Variants in RFX2 observed in about 807,000 individuals in gnomAD.
RFX2 encodes DNA-binding protein RFX2.
In RFX2, 20 loss-of-function variants were observed where a neutral mutation model predicts 87.8. The observed-to-expected ratio is 0.23, with a 90% CI of 0.16 to 0.33. The LOEUF is 0.33. Among genes scored for constraint, RFX2 ranks in the 10% least tolerant of loss-of-function variants. RFX2 has a pLI of 1.00. For synonymous variants in RFX2, 397 were observed against 431.3 expected, an observed-to-expected ratio of 0.92 and a Z score of 0.98; for missense variants, 767 against 1,012.3, an observed-to-expected ratio of 0.76 and a Z score of 3.29.
At position 6,026,085 on chromosome 19, in the gene RFX2, G is replaced by T; in HGVS notation, c.597+78C>A. On this transcript the variant is annotated intron_variant, in intron 6 of 17. Transcript: ENST00000303657. The surrounding 1 kb of genome is among the most constrained non-coding windows in gnomAD (Gnocchi z 4.5). ...CAGGTGTGAGCCACCGCACCTGGTT[G>T]CCTTCATTTGTCTTAAAAATGTCTA... 2 of 1,237,308 alleles carry T rather than the reference G, an allele frequency of 1.6e-6. No individual in the cohort carries two copies. Among genetic ancestry groups the T allele is most frequent in the Non-Finnish European group, 1.2e-6 (1 of 847,226 alleles). The allele number at this position is 1,237,308 out of a possible 1,614,324, so 76.6% of individuals were successfully genotyped here.
Position 6,001,975 on chromosome 19 carries a change from G to C in RFX2, c.1699C>G (p.Leu567Val), listed in dbSNP as rs2144671305. The change falls in exon 15 of 18, where the codon CTG becomes GTG. Residue 567 changes from leucine (L) to valine (V), a missense_variant. Transcript: ENST00000303657. This position sits in a 1 kb window ranked among gnomAD's most constrained non-coding sequence, Gnocchi z 5.6. ...CQCEESVVQRLEQDFKLTLQQ... is the reference protein window; with the variant it reads ...CQCEESVVQRVEQDFKLTLQQ... ...AGGGTCAGCTTGAAATCCTGCTCCA[G>C]CCGCTGCACCACACTCTCCTCGCAC... The C allele has an allele frequency of 6.2e-7, 1 of 1,611,874 alleles. No homozygotes were observed. Among genetic ancestry groups the C allele is most frequent in the Non-Finnish European group, 8.5e-7 (1 of 1,179,918 alleles).
intron 1 of RFX2, among the ~76,000 whole-genome samples, chr19:6,080,243 TGAGA>T (rs1426940986): frequency 2.0e-5 from 3 of 150,930 alleles, no homozygotes; most frequent in East Asian, 3.9e-4. Flanking sequence ...TGTGTGTATG[TGAGA>T]GAGAGACAGA....
In RFX2 at chr19:6,056,821, C is replaced by T. The variant is rs2087349510; in HGVS notation, c.-8-9317G>A. 1.3e-5 allele frequency among the ~76,000 whole-genome samples: 2 copies of T among 152,170 alleles called. No homozygotes were observed. The highest frequency in any genetic ancestry group is 4.1e-4 in the South Asian group (2 of 4,832). Reference sequence around the variant, plus strand: ...TGGGCAGTCTTACTTTGACTGCCTTCCCCTGTGTCCTCTTAGACTGGGTTA... The same window carrying T: ...TGGGCAGTCTTACTTTGACTGCCTTTCCCTGTGTCCTCTTAGACTGGGTTA... On this transcript the variant is annotated intron_variant, in intron 1 of 17. Transcript: ENST00000303657. This position sits in a 1 kb window ranked among gnomAD's most constrained non-coding sequence, Gnocchi z 4.6.
chr19:6,007,793 C>A lies in RFX2; in HGVS notation c.1144G>T (p.Asp382Tyr). Reference protein sequence around the residue: ...VYRRHCEATVDVVMNLQFHYI... With the variant: ...VYRRHCEATVYVVMNLQFHYI... ...TGGAACTGGAGGTTCATCACCACAT[C>A]TACAGTTGCCTAGGAATGAAGGGAC... The change falls in exon 11 of 18, where the codon GAT (aspartate) becomes TAT (tyrosine). Residue 382 changes from aspartate (D) to tyrosine (Y), a missense_variant. This residue lies in a region of RFX2 where 621 missense variants were observed against 873.0 expected (regional missense o/e 0.71). Transcript: ENST00000303657. The surrounding 1 kb of genome is among the most constrained non-coding windows in gnomAD (Gnocchi z 8.2). The A allele has an allele frequency of 8.4e-6, 13 of 1,550,296 alleles. No individual in the cohort carries two copies. The highest frequency in any genetic ancestry group is 1.1e-5 in the Non-Finnish European group (13 of 1,145,094).
At position 6,088,212 on chromosome 19, in the gene RFX2, T is replaced by G. The variant is rs1034455300; in HGVS notation, c.-9+22181A>C. 3.9e-5 allele frequency among the ~76,000 whole-genome samples: 3 copies of G among 76,280 alleles called. No homozygotes were observed. The East Asian group carries it at 7.5e-4, about 19-fold the overall frequency. 50.0% of individuals were successfully genotyped at this position (76,280 alleles called of 152,430 possible). A position where few individuals can be genotyped will look rare whatever the true frequency, so the allele number is the denominator to read the frequency against. On this transcript the variant is annotated intron_variant, in intron 1 of 17. Transcript: ENST00000303657. The stretch of plus-strand genomic sequence containing the variant: ...CAGAGAAGGGCCAGGGCACTACAGC[T>G]TTTTTTTTTTTTTTTTTTTTTTTTG...
intron 5 of RFX2, among the ~76,000 whole-genome samples, chr19:6,032,779 C>A (rs978739970): frequency 1.3e-5 from 2 of 152,150 alleles, no homozygotes; most frequent in Admixed American, 6.5e-5. Flanking sequence ...TCTTTCTGAA[C>A]CAATTCTGTT....
At chr19:6,085,480 A>G (rs2087844286) in intron 1 of RFX2, among the ~76,000 whole-genome samples, 3 of 152,180 alleles carry the variant, frequency 2.0e-5, no homozygotes, top group African/African-American at 7.2e-5. Flanking sequence ...TTTTTTGCTG[A>G]GTTACAGAAA....
intron 1 of RFX2, among the ~76,000 whole-genome samples, chr19:6,106,326 C>T (rs1439704796): frequency 6.6e-6 from 1 of 152,134 alleles, no homozygotes; most frequent in African/African-American, 2.4e-5. Context: ...AACATGAGAA[C>T]ATGACCAGCA....
At chr19:6,072,980 TA>T (rs1177935758) in intron 1 of RFX2, 12 of 623,276 alleles carry the variant, frequency 1.9e-5, no homozygotes, top group Admixed American at 6.8e-5. Context: ...AAGGACCAGA[TA>T]TTTTTTTTTC....
In RFX2 at chr19:6,027,609, T is replaced by A. The variant is rs202068914; in HGVS notation, c.523-1372A>T. On this transcript the variant is annotated intron_variant, in intron 5 of 17. Coordinates refer to ENST00000303657, the MANE Select transcript of RFX2 (RefSeq NM_000635.4). The surrounding 1 kb of genome is among the most constrained non-coding windows in gnomAD (Gnocchi z 5.0). Reference sequence around the variant, plus strand: ...CATGACCTCTGGAAGTCTGCCCTAATCTCAGGGGGCCTTGTCCAGTGCCCA... The same window carrying A: ...CATGACCTCTGGAAGTCTGCCCTAAACTCAGGGGGCCTTGTCCAGTGCCCA... 3.9e-4 allele frequency among the ~76,000 whole-genome samples: 60 copies of A among 152,302 alleles called. No homozygotes were observed. The East Asian group carries it at 0.011, about 29-fold the overall frequency.
intron 1 of RFX2, among the ~76,000 whole-genome samples, chr19:6,093,047 C>T (rs1390500813): frequency 6.6e-6 from 1 of 152,064 alleles, no homozygotes; most frequent in Non-Finnish European, 1.5e-5. Context: ...AGTGGAAAGT[C>T]ACCTTTATAG....
chr19:6,080,358 G>C (rs1030012175), intron 1 of RFX2, among the ~76,000 whole-genome samples: 16 of 152,126 alleles, frequency 1.1e-4, no homozygotes, highest in African/African-American at 3.9e-4. Flanking sequence ...CAAAATGCTG[G>C]GATTAAAACG....
At chr19:6,030,320 A>G (rs1048452405) in intron 5 of RFX2, among the ~76,000 whole-genome samples, 4 of 152,208 alleles carry the variant, frequency 2.6e-5, no homozygotes, top group African/African-American at 9.6e-5. Context: ...AACAGAAACC[A>G]TGGAGGCCAG....
rs1315834458 is a variant in RFX2 at position 5,997,023 on chromosome 19, G to A, written c.2013+37C>T. ...ACACCGCCCTCTCCCCACAGGCCCG[G>A]CCAAGCCCCGGCCGTCCCACCCAGG... On this transcript the variant is annotated intron_variant, in intron 16 of 17. Transcript: ENST00000303657. This position sits in a 1 kb window ranked among gnomAD's most constrained non-coding sequence, Gnocchi z 4.2. 1 of 1,582,936 alleles carries A rather than the reference G, an allele frequency of 6.3e-7. No individual in the cohort carries two copies. Among genetic ancestry groups the A allele is most frequent in the Non-Finnish European group, 8.6e-7 (1 of 1,167,502 alleles).
At chr19:6,000,728 C>T (rs1481723103) in intron 15 of RFX2, among the ~76,000 whole-genome samples, 1 of 152,220 alleles carries the variant, frequency 6.6e-6, no homozygotes, top group Non-Finnish European at 1.5e-5. Flanking sequence ...AACTGTGAGT[C>T]CATTCAACCT....
In RFX2 at chr19:6,027,580, AGT is replaced by A. The variant is rs1456993260; in HGVS notation, c.523-1345_523-1344del. Among the ~76,000 whole-genome samples the A allele has an allele frequency of 6.6e-6, 1 of 152,208 alleles. No homozygotes were observed. Among genetic ancestry groups the A allele is most frequent in the African/African-American group, 2.4e-5 (1 of 41,446 alleles). On this transcript the variant is annotated intron_variant, in intron 5 of 17. Transcript: ENST00000303657. The surrounding 1 kb of genome is among the most constrained non-coding windows in gnomAD (Gnocchi z 5.0). ...TCACCTATGGGTGCCGGGAGAGCAG[AGT>A]GCATGACCTCTGGAAGTCTGCCCTA...
Position 6,004,101 on chromosome 19 carries a change from A to G in RFX2, c.1500+100T>C. ...ATCGGTTACTCTCATGACGCAGGGA[A>G]GAAGCCAGCGCTCTCTGGGACACAG... On this transcript the variant is annotated intron_variant, in intron 13 of 17. Coordinates refer to ENST00000303657, the MANE Select transcript of RFX2 (RefSeq NM_000635.4). This position sits in a 1 kb window ranked among gnomAD's most constrained non-coding sequence, Gnocchi z 4.8. 4 of 909,116 alleles carry G rather than the reference A, an allele frequency of 4.4e-6. No homozygotes were observed. The highest frequency in any genetic ancestry group is 7.3e-6 in the Non-Finnish European group (4 of 545,700). The allele number at this position is 909,116 out of a possible 1,614,324, so 56.3% of individuals were successfully genotyped here.
At chr19:6,067,847 C>G (rs2087535641) in intron 1 of RFX2, 1 of 152,178 alleles carries the variant, frequency 6.6e-6, no homozygotes, top group Non-Finnish European at 1.5e-5. Flanking sequence ...TGTGCATGAC[C>G]AAGCATACCT....
Position 6,004,775 on chromosome 19 carries a change from A to AATAAGAAGC in RFX2, c.1403-486_1403-478dup, listed in dbSNP as rs1330183140. ...CCTAATTTATTTTAAAGTGGGTTAG[A>AATAAGAAGC]ATAAGAAGCAAATGATCAGACTGTT... On this transcript the variant is annotated intron_variant, in intron 12 of 17. Transcript: ENST00000303657. This position sits in a 1 kb window ranked among gnomAD's most constrained non-coding sequence, Gnocchi z 4.8. Among the ~76,000 whole-genome samples, 4 of 151,936 alleles carry AATAAGAAGC rather than the reference A, an allele frequency of 2.6e-5. No homozygotes were observed. Among genetic ancestry groups the AATAAGAAGC allele is most frequent in the South Asian group, 4.2e-4 (2 of 4,800 alleles).
Sources: gnomAD v4.1 joint callset for allele counts (sites outside exome capture counted in the v4.1 genomes callset) on GRCh38, gnomAD v4.1.1 for gene constraint, gnomAD v4.1.1 regional missense constraint, Gnocchi (gnomAD v3.1) non-coding constraint, MANE v1.5 for transcripts, NCBI Gene and HGNC (gene_info 2026-07-23, HGNC 2026-07-21) for gene names.